The following GRB10 variants were observed in gnomAD, a reference collection of about 807,000 sequenced individuals.
GRB10 encodes growth factor receptor-bound protein 10.
GRB10 carries 20 observed loss-of-function variants against 80.9 expected under a neutral mutation model. That is an observed-to-expected ratio of 0.25 (90% CI 0.17 to 0.36). The LOEUF is 0.36. Among genes scored for constraint, GRB10 ranks in the 10% least tolerant of loss-of-function variants. The pLI is 1.00. For missense variants in GRB10, 548 were observed against 747.7 expected (o/e 0.73, Z 3.12); for synonymous variants, 291 against 291.5 (o/e 1.00, Z 0.02).
At chr7:50,720,496 C>T (rs1040006512) in intron 4 of GRB10, among the ~76,000 whole-genome samples, 15 of 152,096 alleles carry the variant, frequency 9.9e-5, no homozygotes, top group African/African-American at 1.2e-4. Flanking sequence ...TGACACCAGG[C>T]GCCAAAAAGG....
intron 3 of GRB10, among the ~76,000 whole-genome samples, chr7:50,740,604 G>A (rs1013001692): frequency 2.6e-5 from 4 of 151,626 alleles, no homozygotes; most frequent in African/African-American, 9.7e-5. Flanking sequence ...CAATGTTCAC[G>A]GTATATTAAA....
chr7:50,694,757 A>T (rs1460753012), intron 5 of GRB10, among the ~76,000 whole-genome samples: 1 of 152,328 alleles, frequency 6.6e-6, no homozygotes, highest in South Asian at 2.1e-4. Context: ...TTTGGTGAGT[A>T]CACTGTAATG....
At chr7:50,713,563 TCCA>T (rs2066265920) in intron 4 of GRB10, among the ~76,000 whole-genome samples, 1 of 107,288 alleles carries the variant, frequency 9.3e-6, no homozygotes. Flanking sequence ...CTCCACCTCC[TCCA>T]CCATCTCCAT....
intron 7 of GRB10, among the ~76,000 whole-genome samples, chr7:50,638,292 T>G (rs1177605183): frequency 6.6e-6 from 1 of 152,016 alleles, no homozygotes; most frequent in Non-Finnish European, 1.5e-5. Context: ...ATTAAAAGAT[T>G]CTGTGCAGTA....
rs374181925 is a variant in GRB10 at position 50,605,395 on chromosome 7, G to A, written c.1284C>T (p.Ser428=). The change falls in exon 15 of 19, where the codon TCC becomes TCT. Residue 428 remains serine, a synonymous_variant. Coordinates refer to ENST00000401949, the MANE Select transcript of GRB10 (RefSeq NM_001350814.2). ...SPFSTPVRSV[S]ENSLVAMDFS... is the part of the protein sequence containing the mutation. ...AATCCATTGCCACGAGGGAGTTCTCGGAGACACTGCGCTGAAAAGGAAAGG... is the reference window on the plus strand; with the variant it reads ...AATCCATTGCCACGAGGGAGTTCTCAGAGACACTGCGCTGAAAAGGAAAGG... The A allele has an allele frequency of 3.2e-4, 523 of 1,613,718 alleles. No individual in the cohort carries two copies. Among genetic ancestry groups the A allele is most frequent in the Non-Finnish European group, 4.1e-4 (483 of 1,179,716 alleles).
At chr7:50,688,604 C>T (rs1268774481) in intron 5 of GRB10, among the ~76,000 whole-genome samples, 2 of 151,946 alleles carry the variant, frequency 1.3e-5, no homozygotes, top group African/African-American at 2.4e-5. Context: ...GATGTGTGTA[C>T]AGGAAGGATG....
Position 50,661,893 on chromosome 7 carries a change from C to G in GRB10, c.504+7829G>C, listed in dbSNP as rs748968528. On this transcript the variant is annotated intron_variant, in intron 7 of 18. Transcript: ENST00000401949. ...GCCGTTGTGGAGAGAGGACAAGTGCCGTGACACAGGACGAGGCTGTGGTGG... is the reference window on the plus strand; with the variant it reads ...GCCGTTGTGGAGAGAGGACAAGTGCGGTGACACAGGACGAGGCTGTGGTGG... 4.3e-4 allele frequency among the ~76,000 whole-genome samples: 65 copies of G among 152,308 alleles called. No homozygotes were observed. In the South Asian group the frequency reaches 7.3e-3, roughly 17 times the overall value.
At chr7:50,715,610 G>C (rs749867190) in intron 4 of GRB10, among the ~76,000 whole-genome samples, 3 of 152,022 alleles carry the variant, frequency 2.0e-5, no homozygotes, top group Non-Finnish European at 4.4e-5. Context: ...TCACTCTCTG[G>C]GCCTATTTCC....
chr7:50,604,210 A>G, intron 16 of GRB10, 101 bp downstream of exon 16: 1 of 1,287,126 alleles, frequency 7.8e-7, no homozygotes, highest in Non-Finnish European at 1.1e-6. Flanking sequence ...TGTGTGGTGC[A>G]CTCTGGCCAC....
chr7:50,627,867 G>GGA (rs1412127279), intron 7 of GRB10, among the ~76,000 whole-genome samples: 2 of 152,212 alleles, frequency 1.3e-5, no homozygotes, highest in Non-Finnish European at 2.9e-5. Flanking sequence ...TCCCAGGCTG[G>GGA]CTGTGTGGAG....
upstream of GRB10, among the ~76,000 whole-genome samples, chr7:50,785,198 G>A (rs567961445): frequency 4.6e-5 from 7 of 152,290 alleles, no homozygotes; most frequent in South Asian, 4.1e-4. Flanking sequence ...GCAACCAGGC[G>A]TCCATCCACA....
intron 7 of GRB10, among the ~76,000 whole-genome samples, chr7:50,641,811 A>G (rs1275790447): frequency 6.6e-6 from 1 of 152,214 alleles, no homozygotes; most frequent in Non-Finnish European, 1.5e-5. Context: ...GCTGGTGGTG[A>G]CAGCCTTCTC....
chr7:50,593,237 C>T (rs991148489), intron 18 of GRB10, 139 bp from the exon 19 acceptor site: 3 of 959,566 alleles, frequency 3.1e-6, no homozygotes, highest in African/African-American at 1.6e-5. Context: ...CTAGAAAACA[C>T]CAGGGGCGGG....
Position 50,594,914 on chromosome 7 carries a change from G to C in GRB10, c.1638+523C>G, listed in dbSNP as rs114310649. ...GAGAAACAAAATTACTCTTTGGGAGGCCACTTAACGCTTCTTGGATAGCCC... is the reference window on the plus strand; with the variant it reads ...GAGAAACAAAATTACTCTTTGGGAGCCCACTTAACGCTTCTTGGATAGCCC... On this transcript the variant is annotated intron_variant, in intron 18 of 18. Transcript: ENST00000401949. 4.1e-3 allele frequency among the ~76,000 whole-genome samples: 628 copies of C among 152,278 alleles called. 3 individuals carry two copies. Among genetic ancestry groups the C allele is most frequent in the African/African-American group, 0.014 (598 of 41,542 alleles).
intron 7 of GRB10, among the ~76,000 whole-genome samples, chr7:50,659,316 TA>T (rs539709400): frequency 1.5e-3 from 231 of 151,642 alleles, no homozygotes; most frequent in Non-Finnish European, 2.4e-3. Flanking sequence ...AAATGAGAGG[TA>T]AAAAACGTGA....
chr7:50,792,154 G>T (rs753092244), intron 1 of GRB10, among the ~76,000 whole-genome samples: 1 of 152,136 alleles, frequency 6.6e-6, no homozygotes, highest in African/African-American at 2.4e-5. Flanking sequence ...AGTGTTCTAG[G>T]CCTGGCCTTT....
chr7:50,620,163 G>C (rs2051428384), intron 8 of GRB10, among the ~76,000 whole-genome samples: 1 of 152,168 alleles, frequency 6.6e-6, no homozygotes, highest in African/African-American at 2.4e-5. Flanking sequence ...TGGGAGGATG[G>C]TGGCCATGGG....
At chr7:50,656,763 G>A (rs998777806) in intron 7 of GRB10, among the ~76,000 whole-genome samples, 1 of 152,252 alleles carries the variant, frequency 6.6e-6, no homozygotes, top group Non-Finnish European at 1.5e-5. Flanking sequence ...AAAGGCTCCA[G>A]GAATGGGGTC....
chr7:50,783,673 C>A (rs2078545837), upstream of GRB10, among the ~76,000 whole-genome samples: 1 of 152,196 alleles, frequency 6.6e-6, no homozygotes, highest in African/African-American at 2.4e-5. Context: ...AGATTTTCTA[C>A]TCCCCTCTAG....
Sources: gnomAD v4.1 joint callset for allele counts (sites outside exome capture counted in the v4.1 genomes callset) on GRCh38, gnomAD v4.1.1 for gene constraint, MANE v1.5 for transcripts, NCBI Gene and HGNC (gene_info 2026-07-23, HGNC 2026-07-21) for gene names.